Variants in MBOAT2 observed in about 807,000 individuals in gnomAD.
MBOAT2 encodes the protein membrane bound glycerophospholipid O-acyltransferase 2, also known as membrane-bound glycerophospholipid O-acyltransferase 2.
MBOAT2 carries 28 observed loss-of-function variants against 63.4 expected under a neutral mutation model. The observed-to-expected ratio is 0.44, with a 90% CI of 0.33 to 0.61. The LOEUF (loss-of-function observed/expected upper bound fraction) is 0.61. Among genes scored for constraint, MBOAT2 ranks in the 20% least tolerant of loss-of-function variants. The pLI, the probability that MBOAT2 is intolerant of heterozygous loss-of-function variation, is 0.03. For missense variants in MBOAT2, 470 were observed against 605.8 expected (o/e 0.78, Z 2.35); for synonymous variants, 211 against 215.6 (o/e 0.98, Z 0.19).
At chr2:9,001,828 T>G (rs1672710421) in intron 1 of MBOAT2, among the ~76,000 whole-genome samples, 1 of 152,030 alleles carries the variant, frequency 6.6e-6, no homozygotes, top group African/African-American at 2.4e-5. Context: ...CAGGGACGGG[T>G]AGGGCTATGG....
chr2:8,931,058 T>C (rs980597480), intron 3 of MBOAT2, among the ~76,000 whole-genome samples: 1 of 151,460 alleles, frequency 6.6e-6, no homozygotes, highest in Non-Finnish European at 1.5e-5. Context: ...CATTACAGGA[T>C]TGCTGGGTCA....
chr2:8,876,379 T>C (rs1389926402), intron 7 of MBOAT2, among the ~76,000 whole-genome samples: 1 of 152,338 alleles, frequency 6.6e-6, no homozygotes, highest in South Asian at 2.1e-4. Flanking sequence ...AGTGTCTACC[T>C]TGTATGAATG....
At chr2:8,919,634 CAT>C (rs1415988719) in intron 3 of MBOAT2, among the ~76,000 whole-genome samples, 6 of 152,110 alleles carry the variant, frequency 3.9e-5, no homozygotes, top group Admixed American at 6.6e-5. Context: ...GTATCAGACA[CAT>C]GTTTTGCAAG....
intron 4 of MBOAT2, 149 bp from the exon 5 acceptor site, chr2:8,888,222 A>G: frequency 1.5e-6 from 1 of 679,398 alleles, no homozygotes. Context: ...TTCAGCAATA[A>G]CTCAGAAGTT....
At chr2:8,895,547 T>C (rs550150992) in intron 4 of MBOAT2, among the ~76,000 whole-genome samples, 7 of 151,578 alleles carry the variant, frequency 4.6e-5, no homozygotes, top group South Asian at 2.1e-4. Flanking sequence ...AAAGTGCTGA[T>C]TGGTGCATTT....
At chr2:8,870,064 G>A (rs1476085111) in intron 8 of MBOAT2, among the ~76,000 whole-genome samples, 1 of 152,096 alleles carries the variant, frequency 6.6e-6, no homozygotes, top group Non-Finnish European at 1.5e-5. Flanking sequence ...CTTTACCTCA[G>A]GTAATGTAAA....
At chr2:8,906,684 G>T (rs1341597505) in intron 4 of MBOAT2, among the ~76,000 whole-genome samples, 1 of 152,218 alleles carries the variant, frequency 6.6e-6, no homozygotes, top group African/African-American at 2.4e-5. Context: ...TGGAATAGCT[G>T]ACGAGGAAAA....
intron 1 of MBOAT2, among the ~76,000 whole-genome samples, chr2:8,982,434 G>A (rs1031052789): frequency 8.5e-5 from 13 of 152,132 alleles, no homozygotes; most frequent in Non-Finnish European, 1.3e-4. Context: ...AGTTCTTCGC[G>A]AACCTTGTCC....
chr2:8,917,505 T>C (rs976243665), intron 3 of MBOAT2, among the ~76,000 whole-genome samples: 1 of 152,142 alleles, frequency 6.6e-6, no homozygotes, highest in African/African-American at 2.4e-5. Flanking sequence ...TCATTAATCA[T>C]CAGAGAAATC....
At chr2:8,901,406 C>T (rs192275468) in intron 4 of MBOAT2, among the ~76,000 whole-genome samples, 17 of 152,112 alleles carry the variant, frequency 1.1e-4, no homozygotes, top group Admixed American at 8.5e-4. Context: ...CAAGGAGGAC[C>T]GAGAAAAATT....
At chr2:8,873,643 T>A (rs1305501955) in intron 7 of MBOAT2, among the ~76,000 whole-genome samples, 1 of 152,226 alleles carries the variant, frequency 6.6e-6, no homozygotes, top group African/African-American at 2.4e-5. Context: ...CTAATTACTT[T>A]TGGCAATAAA....
At chr2:8,902,118 C>A (rs561840805) in intron 4 of MBOAT2, among the ~76,000 whole-genome samples, 3 of 152,162 alleles carry the variant, frequency 2.0e-5, no homozygotes, top group Non-Finnish European at 4.4e-5. Context: ...CCAGGCAAAC[C>A]AACGCTCCCA....
intron 3 of MBOAT2, among the ~76,000 whole-genome samples, chr2:8,918,419 A>G (rs372785005): frequency 2.0e-4 from 30 of 152,220 alleles, no homozygotes; most frequent in East Asian, 9.6e-4. Flanking sequence ...TCAGATCACC[A>G]TAACAGAGAT....
rs114651103 is a variant in MBOAT2 at position 8,965,126 on chromosome 2, C to T, written c.76-6484G>A. On this transcript the variant is annotated intron_variant, in intron 1 of 12. Coordinates refer to ENST00000305997, the MANE Select transcript of MBOAT2 (RefSeq NM_138799.4). ...ACTGTATTACACGAATACATGGACA[C>T]GCATCAATGTACTTCTTGGTTTAGT... Among the ~76,000 whole-genome samples the T allele has an allele frequency of 4.9e-3, 745 of 152,164 alleles. 5 individuals are homozygous for T. The highest frequency in any genetic ancestry group is 0.017 in the African/African-American group (707 of 41,514).
chr2:8,868,400 T>C (rs1662056113), intron 9 of MBOAT2, 46 bp downstream of exon 9: 2 of 1,509,778 alleles, frequency 1.3e-6, no homozygotes, highest in Non-Finnish European at 1.8e-6. Context: ...AAGCAAACTA[T>C]GGTACTTAAA....
chr2:8,869,402 T>A (rs747236517), intron 8 of MBOAT2, among the ~76,000 whole-genome samples: 25 of 152,132 alleles, frequency 1.6e-4, no homozygotes, highest in Non-Finnish European at 3.4e-4. Flanking sequence ...ATTTTTGCTT[T>A]ATGTACATGC....
chr2:8,943,958 GGTTCA>G (rs1470201769), intron 2 of MBOAT2, among the ~76,000 whole-genome samples: 1 of 152,060 alleles, frequency 6.6e-6, no homozygotes, highest in East Asian at 1.9e-4. Context: ...CTGCCTCCCA[GGTTCA>G]AGTGATTCTC....
intron 7 of MBOAT2, among the ~76,000 whole-genome samples, chr2:8,874,115 T>A (rs373989766): frequency 1.3e-5 from 2 of 152,232 alleles, no homozygotes; most frequent in East Asian, 1.9e-4. Flanking sequence ...TCAAATTAAC[T>A]GCAGTAATTT....
At chr2:8,926,778 C>T (rs1025654481) in intron 3 of MBOAT2, among the ~76,000 whole-genome samples, 3 of 152,202 alleles carry the variant, frequency 2.0e-5, no homozygotes, top group African/African-American at 7.2e-5. Context: ...GAGGGACTGG[C>T]TGGCAGAGTA....
Sources: allele counts gnomAD v4.1 joint callset (sites outside exome capture counted in the v4.1 genomes callset), GRCh38; gene constraint gnomAD v4.1.1; transcripts MANE v1.5; gene names NCBI Gene and HGNC (gene_info 2026-07-23, HGNC 2026-07-21).